Variants in PITPNB observed in about 807,000 individuals in gnomAD.
PITPNB encodes the protein phosphatidylinositol transfer protein beta, also known as phosphatidylinositol transfer protein beta isoform.
A neutral mutation model predicts 45.9 loss-of-function variants in PITPNB; 16 were observed. The observed-to-expected ratio is 0.35, with a 90% confidence interval of 0.24 to 0.53. PITPNB has a LOEUF of 0.53. Among genes scored for constraint, PITPNB ranks in the 20% least tolerant of loss-of-function variants. The pLI, the probability that PITPNB is intolerant of heterozygous loss-of-function variation, is 0.93. For missense variants in PITPNB, 188 were observed against 330.5 expected (o/e 0.57, Z 3.34); for synonymous variants, 112 against 108.9 (o/e 1.03, Z -0.18).
At chr22:27,898,058 T>A in intron 3 of PITPNB, 166 bp from the exon 4 acceptor site, 1 of 584,746 alleles carries the variant, frequency 1.7e-6, no homozygotes, top group South Asian at 2.1e-5. Context: ...AACACATAAT[T>A]TTTTACATTT....
intron 7 of PITPNB, among the ~76,000 whole-genome samples, chr22:27,890,588 G>A (rs908813044): frequency 6.6e-6 from 1 of 152,142 alleles, no homozygotes; most frequent in Admixed American, 6.5e-5. Context: ...GCTGAAGCAG[G>A]AGGATCACAA....
chr22:27,902,351 A>G (rs1288569992), intron 3 of PITPNB, among the ~76,000 whole-genome samples: 1 of 152,178 alleles, frequency 6.6e-6, no homozygotes, highest in East Asian at 1.9e-4. Context: ...GAGAGAGGGC[A>G]GAAAGACCAC....
chr22:27,912,844 C>T (rs1452338109), intron 2 of PITPNB, among the ~76,000 whole-genome samples: 1 of 151,256 alleles, frequency 6.6e-6, no homozygotes, highest in Non-Finnish European at 1.5e-5. Flanking sequence ...TAGCCAGGTG[C>T]GGTGGCGGGT....
At chr22:27,882,540 A>G (rs1028400658) in intron 7 of PITPNB, among the ~76,000 whole-genome samples, 2 of 152,234 alleles carry the variant, frequency 1.3e-5, no homozygotes, top group Admixed American at 1.3e-4. Context: ...TGACATCACA[A>G]TCCTTAAAAA....
chr22:27,907,995 A>G (rs1277296215), intron 3 of PITPNB, among the ~76,000 whole-genome samples: 1 of 151,884 alleles, frequency 6.6e-6, no homozygotes, highest in Non-Finnish European at 1.5e-5. Flanking sequence ...ACCGAGAGCC[A>G]AAATCTTCTT....
intron 7 of PITPNB, among the ~76,000 whole-genome samples, chr22:27,881,702 T>C (rs956109394): frequency 6.6e-6 from 1 of 152,172 alleles, no homozygotes; most frequent in African/African-American, 2.4e-5. Flanking sequence ...GCAGCAGCAG[T>C]TGGAACAAAT....
At chr22:27,854,409 A>ACAG (rs1279410499) in intron 11 of PITPNB, among the ~76,000 whole-genome samples, 1 of 152,232 alleles carries the variant, frequency 6.6e-6, no homozygotes, top group Admixed American at 6.5e-5. Context: ...TTTCTGGTGC[A>ACAG]CAGAAAATAT....
At position 27,873,614 on chromosome 22, in the gene PITPNB, A is replaced by G. The variant is rs1057363880; in HGVS notation, c.534+124T>C. 7 of 656,876 alleles carry G rather than the reference A, an allele frequency of 1.1e-5. No homozygotes were observed. In the African/African-American group the frequency reaches 1.1e-4, roughly 10 times the overall value. The allele number at this position is 656,876 out of a possible 1,614,324, so 40.7% of individuals were successfully genotyped here. ...GCAACTGGCTGTAAGTCCTTATCGC[A>G]AATAAAACTATTTTTGTGCCATTTC... On this transcript the variant is annotated intron_variant, in intron 8 of 11. Coordinates refer to ENST00000335272, the MANE Select transcript of PITPNB (RefSeq NM_012399.5).
chr22:27,881,167 A>G (rs1934960543), intron 7 of PITPNB, among the ~76,000 whole-genome samples: 1 of 152,174 alleles, frequency 6.6e-6, no homozygotes, highest in African/African-American at 2.4e-5. Flanking sequence ...AAGATGGGGG[A>G]AAAATCTCTA....
intron 10 of PITPNB, among the ~76,000 whole-genome samples, chr22:27,856,328 A>G (rs933165577): frequency 1.3e-5 from 2 of 152,190 alleles, no homozygotes. Context: ...TGCAATTCCC[A>G]ACTCACAAAT....
intron 3 of PITPNB, among the ~76,000 whole-genome samples, chr22:27,909,685 G>A (rs1935863208): frequency 6.6e-6 from 1 of 152,144 alleles, no homozygotes; most frequent in Admixed American, 6.5e-5. Flanking sequence ...TTTAAAAGGT[G>A]CATGTCCTCC....
chr22:27,860,090 T>C, intron 9 of PITPNB, 41 bp downstream of exon 9: 1 of 1,153,820 alleles, frequency 8.7e-7, no homozygotes, highest in Non-Finnish European at 1.3e-6. Context: ...AGCTCCGATC[T>C]CATCCTAAAT....
At chr22:27,863,762 A>G (rs1451796126) in intron 8 of PITPNB, among the ~76,000 whole-genome samples, 1 of 152,212 alleles carries the variant, frequency 6.6e-6, no homozygotes, top group Non-Finnish European at 1.5e-5. Flanking sequence ...AAATATGCCT[A>G]CACTAAACTT....
At chr22:27,895,771 G>C (rs1183423976) in intron 6 of PITPNB, among the ~76,000 whole-genome samples, 1 of 152,186 alleles carries the variant, frequency 6.6e-6, no homozygotes. Flanking sequence ...CTCCTGGAAT[G>C]AATGTGCATC....
chr22:27,869,667 C>T (rs932582344), intron 8 of PITPNB, among the ~76,000 whole-genome samples: 1 of 152,164 alleles, frequency 6.6e-6, no homozygotes, highest in African/African-American at 2.4e-5. Flanking sequence ...TACAGGGGCA[C>T]ATTTATAGAT....
At chr22:27,879,014 A>G (rs138500044) in intron 7 of PITPNB, among the ~76,000 whole-genome samples, 14 of 152,166 alleles carry the variant, frequency 9.2e-5, no homozygotes, top group African/African-American at 3.4e-4. Context: ...AGTCAAATCT[A>G]CACCCCTGAA....
intron 8 of PITPNB, among the ~76,000 whole-genome samples, chr22:27,863,344 G>A (rs1275411909): frequency 6.6e-6 from 1 of 152,140 alleles, no homozygotes; most frequent in Non-Finnish European, 1.5e-5. Flanking sequence ...AGGTCCTTGA[G>A]GGCCAGGATT....
chr22:27,896,305 T>G (rs1041357993), intron 6 of PITPNB, among the ~76,000 whole-genome samples: 1 of 152,230 alleles, frequency 6.6e-6, no homozygotes, highest in Admixed American at 6.5e-5. Context: ...TGTTTATTCA[T>G]GCTCTCCTTG....
chr22:27,864,696 G>GCAA (rs1247494546), intron 8 of PITPNB, among the ~76,000 whole-genome samples: 1 of 152,132 alleles, frequency 6.6e-6, no homozygotes, highest in African/African-American at 2.4e-5. Flanking sequence ...CCAGTACTTT[G>GCAA]GGAGGCCGAG....
Sources: allele counts gnomAD v4.1 joint callset (sites outside exome capture counted in the v4.1 genomes callset), GRCh38; gene constraint gnomAD v4.1.1; transcripts MANE v1.5; gene names NCBI Gene and HGNC (gene_info 2026-07-23, HGNC 2026-07-21).